Variants in FSHR observed in about 807,000 individuals in gnomAD.
FSHR encodes the protein follicle-stimulating hormone receptor.
Under a neutral mutation model 52.1 loss-of-function variants are expected in FSHR, and 46 were observed. The ratio of observed to expected loss-of-function variants is 0.88; its 90% CI spans 0.70 to 1.13. FSHR has a LOEUF of 1.13. FSHR is among the 50% of genes most tolerant of loss of function. FSHR has a pLI of 0.00. For synonymous variants in FSHR, 399 were observed against 309.6 expected (o/e 1.29, Z -3.03); for missense variants, 964 against 834.6 (o/e 1.16, Z -1.91).
intron 4 of FSHR, among the ~76,000 whole-genome samples, chr2:49,013,503 T>TATATATATATATAAATATATATAAAA (rs1667365072): frequency 1.5e-5 from 1 of 68,544 alleles, no homozygotes; most frequent in African/African-American, 3.3e-5. Flanking sequence ...TATATATAAA[T>TATATATATATATAAATATATATAAAA]ATATATATAT....
chr2:49,089,374 C>G (rs1195700582), intron 1 of FSHR, among the ~76,000 whole-genome samples: 1 of 152,038 alleles, frequency 6.6e-6, no homozygotes, highest in Non-Finnish European at 1.5e-5. Context: ...AAAATAATAT[C>G]AAGGATACAT....
At chr2:48,997,407 T>C in intron 4 of FSHR, 4 of 984,660 alleles carry the variant, frequency 4.1e-6, no homozygotes, top group Non-Finnish European at 4.8e-6. Context: ...AGAGGAGAGG[T>C]CAGTCCTATC....
At chr2:48,989,130 G>T in intron 5 of FSHR, 76 bp from the exon 6 acceptor site, 1 of 1,052,098 alleles carries the variant, frequency 9.5e-7, no homozygotes, top group South Asian at 1.3e-5. Flanking sequence ...AGTTTAACTG[G>T]CATGATGCGG....
chr2:49,031,520 A>G (rs899735265), intron 2 of FSHR, among the ~76,000 whole-genome samples: 2 of 152,212 alleles, frequency 1.3e-5, no homozygotes, highest in Non-Finnish European at 2.9e-5. Context: ...CTATAATTAC[A>G]TGGCTAATTA....
chr2:49,038,344 G>C (rs972882860), intron 2 of FSHR, among the ~76,000 whole-genome samples: 1 of 152,120 alleles, frequency 6.6e-6, no homozygotes, highest in Non-Finnish European at 1.5e-5. Flanking sequence ...GTTTTTGGCT[G>C]TGCGCAGTGG....
intron 4 of FSHR, among the ~76,000 whole-genome samples, chr2:48,993,347 A>T (rs1257750897): frequency 6.6e-6 from 1 of 152,140 alleles, no homozygotes; most frequent in African/African-American, 2.4e-5. Flanking sequence ...TACTCTCCAT[A>T]GATAGAATTG....
chr2:49,023,841 C>T (rs977308057), intron 2 of FSHR, among the ~76,000 whole-genome samples: 1 of 152,108 alleles, frequency 6.6e-6, no homozygotes, highest in Non-Finnish European at 1.5e-5. Flanking sequence ...CATGTGCTTC[C>T]ATGAGGTACT....
rs140388935 is a variant in FSHR at position 49,004,924 on chromosome 2, G to A, written c.374+12565C>T. ...TGCACCGAATCTGCAAATGGGTAGA[G>A]TAGATGGTCACCTATGTGCTATTTG... is the stretch of plus-strand genomic sequence containing the variant. On this transcript the variant is annotated intron_variant, in intron 4 of 9. Transcript: ENST00000406846. Among the ~76,000 whole-genome samples the A allele has an allele frequency of 9.8e-3, 1,493 of 152,234 alleles. 20 individuals are homozygous for A. The highest frequency in any genetic ancestry group is 0.037 in the Middle Eastern group (11 of 294).
intron 4 of FSHR, among the ~76,000 whole-genome samples, chr2:48,996,447 A>G (rs1383271186): frequency 1.3e-5 from 2 of 152,168 alleles, no homozygotes; most frequent in South Asian, 2.1e-4. Flanking sequence ...TGGCTTGATC[A>G]ATATACAACC....
intron 1 of FSHR, among the ~76,000 whole-genome samples, chr2:49,089,632 A>G (rs1158214368): frequency 6.6e-6 from 1 of 152,224 alleles, no homozygotes; most frequent in African/African-American, 2.4e-5. Context: ...TAATAGGATC[A>G]AAACCTTGCA....
At chr2:49,144,472 G>A (rs533900708) in intron 1 of FSHR, among the ~76,000 whole-genome samples, 10 of 152,120 alleles carry the variant, frequency 6.6e-5, no homozygotes, top group Non-Finnish European at 1.5e-4. Flanking sequence ...AAGGAGTTCA[G>A]CAGATTTTCA....
chr2:49,019,984 A>T (rs1470276671), intron 3 of FSHR, 102 bp downstream of exon 3: 1 of 956,490 alleles, frequency 1.0e-6, no homozygotes, highest in Non-Finnish European at 1.7e-6. Flanking sequence ...CAATCTAGGG[A>T]TCTGAGGCCA....
chr2:49,136,140 G>C (rs545356355), intron 1 of FSHR, among the ~76,000 whole-genome samples: 1 of 151,966 alleles, frequency 6.6e-6, no homozygotes, highest in Non-Finnish European at 1.5e-5. Context: ...AAGAAGAAAA[G>C]ATAGTAGACT....
At chr2:49,029,481 C>G (rs775165333) in intron 2 of FSHR, among the ~76,000 whole-genome samples, 6 of 152,174 alleles carry the variant, frequency 3.9e-5, no homozygotes, top group Non-Finnish European at 8.8e-5. Flanking sequence ...TTGGAAAGGT[C>G]TCTTGAGTGG....
intron 1 of FSHR, among the ~76,000 whole-genome samples, chr2:49,078,835 A>C (rs980757825): frequency 3.9e-5 from 6 of 152,144 alleles, no homozygotes; most frequent in Non-Finnish European, 5.9e-5. Context: ...TACCTCCTCT[A>C]TTTGATATTG....
At chr2:49,028,902 C>T (rs1668003239) in intron 2 of FSHR, among the ~76,000 whole-genome samples, 1 of 152,126 alleles carries the variant, frequency 6.6e-6, no homozygotes, top group Admixed American at 6.5e-5. Context: ...TCTGAAAGTC[C>T]CTGATATTTT....
chr2:49,031,207 G>A (rs1572656770), intron 2 of FSHR, among the ~76,000 whole-genome samples: 1 of 152,194 alleles, frequency 6.6e-6, no homozygotes, highest in Non-Finnish European at 1.5e-5. Context: ...GGAGGGAGAA[G>A]AGAAACCAGA....
intron 1 of FSHR, among the ~76,000 whole-genome samples, chr2:49,121,587 G>A (rs773204464): frequency 4.6e-4 from 70 of 152,070 alleles, no homozygotes; most frequent in African/African-American, 1.6e-3. Flanking sequence ...CCTAGCTGAG[G>A]TTCTGTGTAT....
At chr2:48,992,001 C>G (rs1046209006) in intron 4 of FSHR, among the ~76,000 whole-genome samples, 1 of 151,850 alleles carries the variant, frequency 6.6e-6, no homozygotes, top group African/African-American at 2.4e-5. Flanking sequence ...TATGGGTTCT[C>G]GGTGATGGTT....
Sources: gnomAD v4.1 joint callset for allele counts (sites outside exome capture counted in the v4.1 genomes callset) on GRCh38, gnomAD v4.1.1 for gene constraint, MANE v1.5 for transcripts, NCBI Gene and HGNC (gene_info 2026-07-23, HGNC 2026-07-21) for gene names.